The following SORCS2 variants were observed in gnomAD, a reference collection of about 807,000 sequenced individuals.
The protein encoded by SORCS2 is VPS10 domain-containing receptor SorCS2.
SORCS2 carries 100 observed loss-of-function variants against 141.6 expected under a neutral mutation model. The ratio of observed to expected loss-of-function variants is 0.71; its 90% CI spans 0.60 to 0.83. SORCS2 has a LOEUF of 0.83. Among genes scored for constraint, SORCS2 ranks in the 40% least tolerant of loss-of-function variants. The pLI is 0.00. For synonymous variants in SORCS2, 789 were observed against 676.9 expected (o/e 1.17, Z -2.57); for missense variants, 1,646 against 1,560.2 (o/e 1.05, Z -0.93).
intron 1 of SORCS2, among the ~76,000 whole-genome samples, chr4:7,208,532 C>A (rs966629510): frequency 1.4e-4 from 22 of 152,316 alleles, no homozygotes; most frequent in African/African-American, 5.1e-4. Flanking sequence ...TCCCTTTGTA[C>A]ACCCCGGCAG....
At chr4:7,675,059 A>G (rs1285682354) in intron 8 of SORCS2, among the ~76,000 whole-genome samples, 1 of 152,234 alleles carries the variant, frequency 6.6e-6, no homozygotes, top group Non-Finnish European at 1.5e-5. Context: ...TTAGGGCTTC[A>G]ATATGGGCCT....
intron 1 of SORCS2, among the ~76,000 whole-genome samples, chr4:7,307,348 CAG>C (rs1487212258): frequency 6.6e-6 from 1 of 152,202 alleles, no homozygotes; most frequent in Non-Finnish European, 1.5e-5. Context: ...ATGATTCTTC[CAG>C]AAAAGAAGAA....
chr4:7,207,718 T>G (rs1727829374), intron 1 of SORCS2, among the ~76,000 whole-genome samples: 1 of 152,232 alleles, frequency 6.6e-6, no homozygotes, highest in Non-Finnish European at 1.5e-5. Flanking sequence ...GGATTTTATG[T>G]GGTTCCAATT....
rs1577583699 is a variant in SORCS2, at chr4:7,450,019, G to T, written c.548+53664G>T. Among the ~76,000 whole-genome samples the T allele has an allele frequency of 2.0e-5, 3 of 152,234 alleles. No individual in the cohort carries two copies. The East Asian group carries it at 5.8e-4, about 29-fold the overall frequency. ...GAATGGGGCCCCTGGGACACGTGGG[G>T]CTGGGCGTTTTCCTGTGTCTTGTCA... On this transcript the variant is annotated intron_variant, in intron 2 of 26. Coordinates refer to ENST00000507866, the MANE Select transcript of SORCS2 (RefSeq NM_020777.3).
intron 20 of SORCS2, among the ~76,000 whole-genome samples, chr4:7,726,108 A>G (rs944665426): frequency 1.1e-4 from 17 of 152,228 alleles, no homozygotes; most frequent in Non-Finnish European, 4.4e-5. Flanking sequence ...AGTGTGCACC[A>G]TCCCCATGGC....
At chr4:7,444,896 G>A (rs1727890810) in intron 2 of SORCS2, among the ~76,000 whole-genome samples, 1 of 152,282 alleles carries the variant, frequency 6.6e-6, no homozygotes, top group Non-Finnish European at 1.5e-5. Flanking sequence ...AGAAGAGTCA[G>A]GAACACACCG....
At chr4:7,622,488 G>A (rs916918175) in intron 3 of SORCS2, among the ~76,000 whole-genome samples, 2 of 152,192 alleles carry the variant, frequency 1.3e-5, no homozygotes, top group African/African-American at 2.4e-5. Context: ...CAGAAGATGT[G>A]CTGGTCCAGC....
chr4:7,546,198 C>T (rs936352694), intron 3 of SORCS2, among the ~76,000 whole-genome samples: 2 of 152,116 alleles, frequency 1.3e-5, no homozygotes, highest in Non-Finnish European at 2.9e-5. Flanking sequence ...TTTCTTCTAT[C>T]GTGGGAGGTG....
chr4:7,727,987 CAAG>C (rs1467520260), intron 21 of SORCS2, among the ~76,000 whole-genome samples: 7 of 152,314 alleles, frequency 4.6e-5, no homozygotes, highest in Middle Eastern at 3.4e-3. Flanking sequence ...GCTTGTGAGT[CAAG>C]GAGGCAAATC....
At chr4:7,486,126 C>G (rs1205969376) in intron 2 of SORCS2, among the ~76,000 whole-genome samples, 1 of 152,150 alleles carries the variant, frequency 6.6e-6, no homozygotes, top group Non-Finnish European at 1.5e-5. Flanking sequence ...TGCTGGAGCC[C>G]CTCGTGCGCG....
chr4:7,277,687 T>C (rs539932619), intron 1 of SORCS2, among the ~76,000 whole-genome samples: 1 of 152,056 alleles, frequency 6.6e-6, no homozygotes, highest in East Asian at 1.9e-4. Flanking sequence ...GGGAGCAAAA[T>C]AATTTGGGGG....
intron 3 of SORCS2, among the ~76,000 whole-genome samples, chr4:7,594,070 A>G (rs1471935131): frequency 6.6e-6 from 1 of 152,156 alleles, no homozygotes; most frequent in East Asian, 1.9e-4. Flanking sequence ...GTGATACCAA[A>G]ATGAAAGCAC....
chr4:7,468,901 A>C (rs1577614880), intron 2 of SORCS2, among the ~76,000 whole-genome samples: 1 of 152,150 alleles, frequency 6.6e-6, no homozygotes, highest in African/African-American at 2.4e-5. Flanking sequence ...TCCCTGCTCC[A>C]CATCTGGTGG....
chr4:7,358,026 C>G (rs1354236008), intron 1 of SORCS2, among the ~76,000 whole-genome samples: 1 of 152,154 alleles, frequency 6.6e-6, no homozygotes, highest in Non-Finnish European at 1.5e-5. Flanking sequence ...CCCCCCATTC[C>G]CAAGGAGAGG....
At chr4:7,712,143 C>G (rs775671109) in intron 14 of SORCS2, among the ~76,000 whole-genome samples, 1 of 152,190 alleles carries the variant, frequency 6.6e-6, no homozygotes, top group African/African-American at 2.4e-5. Context: ...ACCTAGGCTG[C>G]GACGGGCCAA....
At chr4:7,604,483 C>T (rs1314518878) in intron 3 of SORCS2, among the ~76,000 whole-genome samples, 1 of 152,078 alleles carries the variant, frequency 6.6e-6, no homozygotes, top group Non-Finnish European at 1.5e-5. Flanking sequence ...ACGCACGGCT[C>T]ATTTTTTGTA....
chr4:7,585,462 C>A (rs1414434229), intron 3 of SORCS2, among the ~76,000 whole-genome samples: 1 of 152,182 alleles, frequency 6.6e-6, no homozygotes, highest in Non-Finnish European at 1.5e-5. Context: ...TCAGGCAAGT[C>A]CCTCCCACCA....
At chr4:7,393,307 T>A (rs1489788193) in intron 1 of SORCS2, among the ~76,000 whole-genome samples, 1 of 151,822 alleles carries the variant, frequency 6.6e-6, no homozygotes, top group Non-Finnish European at 1.5e-5. Context: ...TCCCGATTTT[T>A]CTCCCACCCA....
At chr4:7,242,096 C>T (rs973548169) in intron 1 of SORCS2, among the ~76,000 whole-genome samples, 5 of 152,176 alleles carry the variant, frequency 3.3e-5, no homozygotes, top group Non-Finnish European at 7.3e-5. Context: ...CCCTGGCTGC[C>T]GCACTGATTC....
Sources: gnomAD v4.1 joint callset for allele counts (sites outside exome capture counted in the v4.1 genomes callset) on GRCh38, gnomAD v4.1.1 for gene constraint, MANE v1.5 for transcripts, NCBI Gene and HGNC (gene_info 2026-07-23, HGNC 2026-07-21) for gene names.